The following SCML2 variants were observed in gnomAD, a reference collection of about 807,000 sequenced individuals.
The protein encoded by SCML2 is sex comb on midleg-like protein 2.
Under a neutral mutation model 48.4 loss-of-function variants are expected in SCML2, and 6 were observed. The observed-to-expected ratio is 0.12, with a 90% confidence interval of 0.07 to 0.24. SCML2 has a LOEUF of 0.24. SCML2 is among the 10% of genes least tolerant of loss of function. SCML2 has a pLI of 1.00. For missense variants in SCML2, 377 were observed against 528.2 expected (o/e 0.71, Z 2.81); for synonymous variants, 181 against 189.5 (o/e 0.95, Z 0.37).
intron 7 of SCML2, among the ~76,000 whole-genome samples, chrX:18,271,423 C>G (rs1927454375): frequency 9.1e-6 from 1 of 109,514 alleles, no homozygotes; most frequent in Non-Finnish European, 1.9e-5. Flanking sequence ...AAATTCACTC[C>G]CAAGTCAAGA....
chrX:18,239,484 T>G lies in SCML2; in HGVS notation c.*1767A>C, dbSNP rs1187286981. ...TATGACATGTAAGGAATAACATAAA[T>G]GAAGCTATTCTTTAAATAGTTGCAT... On this transcript the variant is annotated 3_prime_UTR_variant, in exon 15 of 15. Transcript: ENST00000251900. The G allele has an allele frequency of 1.8e-5, 2 of 112,732 alleles. No homozygotes were observed. The highest frequency in any genetic ancestry group is 3.8e-5 in the Non-Finnish European group (2 of 53,319). 9.3% of individuals were successfully genotyped at this position (112,732 alleles called of 1,213,427 possible).
At chrX:18,242,121 C>T (rs1018540783) in intron 14 of SCML2, among the ~76,000 whole-genome samples, 3 of 111,738 alleles carry the variant, frequency 2.7e-5, no homozygotes, top group African/African-American at 9.8e-5. Context: ...GGTTCTGGCA[C>T]TGAGCTGGGA....
rs1041593922 is a variant in SCML2 at position 18,304,824 on chromosome X, T to C, written c.730+148A>G. 3.2e-5 allele frequency: 19 copies of C among 589,118 alleles called. No individual in the cohort carries two copies. In the African/African-American group the frequency reaches 4.1e-4, roughly 13 times the overall value. 48.5% of individuals were successfully genotyped at this position (589,118 alleles called of 1,213,427 possible). On this transcript the variant is annotated intron_variant, in intron 7 of 14. Coordinates refer to ENST00000251900, the MANE Select transcript of SCML2 (RefSeq NM_006089.3). ...AATCATAGCTTTCCTTTACCTCCAG[T>C]TCTCTAGCCTGGACAGCGCTTTGTT...
At chrX:18,273,168 C>T (rs58424150) in intron 7 of SCML2, among the ~76,000 whole-genome samples, 4,127 of 111,245 alleles carry the variant, frequency 0.037, 202 homozygotes, top group African/African-American at 0.13. Flanking sequence ...CAGTAGTGTT[C>T]CTCATGATTG....
intron 2 of SCML2, among the ~76,000 whole-genome samples, chrX:18,331,259 CAA>C (rs35589774): frequency 6.8e-4 from 11 of 16,267 alleles, no homozygotes; most frequent in African/African-American, 2.4e-3. Flanking sequence ...GACTCCGTCT[CAA>C]AAAAAAAAAA....
chrX:18,327,695 A>C (rs1929527976), intron 3 of SCML2, among the ~76,000 whole-genome samples: 1 of 112,021 alleles, frequency 8.9e-6, no homozygotes, highest in Non-Finnish European at 1.9e-5. Flanking sequence ...CTGGTTAATG[A>C]CCATATGCAG....
intron 7 of SCML2, among the ~76,000 whole-genome samples, chrX:18,299,344 T>C (rs1928501665): frequency 9.2e-6 from 1 of 108,983 alleles, no homozygotes; most frequent in Non-Finnish European, 1.9e-5. Context: ...AAATCCCATC[T>C]CTACTAAAAA....
rs1035622405 is a variant in SCML2 at position 18,306,860 on chromosome X, G to A, written c.487-1645C>T. Among the ~76,000 whole-genome samples the A allele has an allele frequency of 3.6e-5, 4 of 109,761 alleles. No individual in the cohort carries two copies. In the Admixed American group the frequency reaches 3.9e-4, roughly 11 times the overall value. ...TAATTTTTATTTTTATAGAGATGAG[G>A]GCCTCGCTATGTTGGCCGGGCTGGT... On this transcript the variant is annotated intron_variant, in intron 6 of 14. Transcript: ENST00000251900.
intron 7 of SCML2, among the ~76,000 whole-genome samples, chrX:18,286,985 A>G (rs188685108): frequency 9.1e-6 from 1 of 110,406 alleles, no homozygotes; most frequent in Admixed American, 9.7e-5. Flanking sequence ...CTCTTCATCT[A>G]TCAAGCAGAG....
intron 8 of SCML2, among the ~76,000 whole-genome samples, chrX:18,264,325 A>T: frequency 9.0e-6 from 1 of 110,762 alleles, no homozygotes; most frequent in Non-Finnish European, 1.9e-5. Flanking sequence ...AATTTTGTCC[A>T]GTGAATCTTT....
At chrX:18,291,602 T>G (rs1308102094) in intron 7 of SCML2, among the ~76,000 whole-genome samples, 2 of 111,864 alleles carry the variant, frequency 1.8e-5, no homozygotes, top group Non-Finnish European at 3.8e-5. Flanking sequence ...ACTAGGCAAC[T>G]GTATTTCTTT....
intron 5 of SCML2, among the ~76,000 whole-genome samples, chrX:18,321,142 G>C (rs2037837573): frequency 9.0e-6 from 1 of 111,702 alleles, no homozygotes; most frequent in Non-Finnish European, 1.9e-5. Context: ...TTTTCTGTAT[G>C]TTTGAAATTC....
intron 11 of SCML2, among the ~76,000 whole-genome samples, chrX:18,250,145 C>T (rs1926596436): frequency 9.0e-6 from 1 of 111,069 alleles, no homozygotes; most frequent in Non-Finnish European, 1.9e-5. Context: ...ACAGTATGGT[C>T]CATACAAAGG....
chrX:18,261,678 T>C (rs1468440645), intron 8 of SCML2, among the ~76,000 whole-genome samples: 6 of 109,805 alleles, frequency 5.5e-5, no homozygotes, highest in Non-Finnish European at 9.4e-5. Flanking sequence ...ATTATCAAAT[T>C]AGCTTGGAAC....
At chrX:18,263,657 G>C (rs748310703) in intron 8 of SCML2, among the ~76,000 whole-genome samples, 1 of 111,500 alleles carries the variant, frequency 9.0e-6, no homozygotes, top group African/African-American at 3.3e-5. Context: ...AAGAATAAAC[G>C]AGAGTATAAA....
intron 14 of SCML2, 21 bp from the exon 15 acceptor site, chrX:18,241,400 T>C: frequency 4.6e-6 from 5 of 1,089,381 alleles, no homozygotes; most frequent in Non-Finnish European, 6.1e-6. Flanking sequence ...AAGGAAATCA[T>C]AATCATTAAT....
At chrX:18,300,612 G>A (rs1359091279) in intron 7 of SCML2, among the ~76,000 whole-genome samples, 7 of 110,187 alleles carry the variant, frequency 6.4e-5, no homozygotes, top group African/African-American at 9.9e-5. Context: ...CCAACATGGC[G>A]AAACCCTGTC....
At chrX:18,342,664 A>C (rs1419111995) in intron 1 of SCML2, among the ~76,000 whole-genome samples, 1 of 108,864 alleles carries the variant, frequency 9.2e-6, no homozygotes, top group African/African-American at 3.4e-5. Context: ...GTGAGCCGAG[A>C]TCATGCCACT....
intron 2 of SCML2, 149 bp from the exon 3 acceptor site, chrX:18,330,804 A>G (rs143218024): frequency 1.4e-4 from 51 of 356,236 alleles, no homozygotes; most frequent in African/African-American, 1.1e-3. Flanking sequence ...TTTCTAATGT[A>G]CTATGCATTT....
Sources: allele counts gnomAD v4.1 joint callset (sites outside exome capture counted in the v4.1 genomes callset), GRCh38; gene constraint gnomAD v4.1.1; transcripts MANE v1.5; gene names NCBI Gene and HGNC (gene_info 2026-07-23, HGNC 2026-07-21).